The following BBS9 variants were observed in gnomAD, a reference collection of about 807,000 sequenced individuals.
BBS9 encodes the protein protein PTHB1.
A neutral mutation model predicts 117.7 loss-of-function variants in BBS9; 89 were observed. That is an observed-to-expected ratio of 0.76 (90% CI 0.64 to 0.90). BBS9 has a LOEUF of 0.90. BBS9 is among the 40% of genes least tolerant of loss of function. The pLI is 0.00. For missense variants in BBS9, 982 were observed against 1,042.2 expected (o/e 0.94, Z 0.80); for synonymous variants, 379 against 370.9 (o/e 1.02, Z -0.25).
chr7:33,418,907 A>G (rs1832437075), intron 19 of BBS9, among the ~76,000 whole-genome samples: 1 of 152,204 alleles, frequency 6.6e-6, no homozygotes, highest in Admixed American at 6.5e-5. Flanking sequence ...CATTTACTAC[A>G]GCATTTAGTA....
At chr7:33,321,671 C>T (rs1419970890) in intron 9 of BBS9, among the ~76,000 whole-genome samples, 1 of 151,936 alleles carries the variant, frequency 6.6e-6, no homozygotes, top group Non-Finnish European at 1.5e-5. Flanking sequence ...CAAACAAGGG[C>T]AATTTACCTT....
At chr7:33,442,941 G>A (rs1330187091) in intron 19 of BBS9, among the ~76,000 whole-genome samples, 2 of 152,128 alleles carry the variant, frequency 1.3e-5, no homozygotes, top group African/African-American at 4.8e-5. Flanking sequence ...GAAGTCTATT[G>A]GAAACATAAA....
intron 19 of BBS9, among the ~76,000 whole-genome samples, chr7:33,462,365 T>C (rs2128936120): frequency 6.6e-6 from 1 of 152,212 alleles, no homozygotes; most frequent in Middle Eastern, 3.4e-3. Context: ...AGAAATATAA[T>C]GTCAGTTTGT....
chr7:33,287,237 A>T (rs1271443833), intron 9 of BBS9, among the ~76,000 whole-genome samples: 5 of 152,214 alleles, frequency 3.3e-5, no homozygotes, highest in Non-Finnish European at 7.4e-5. Context: ...GCATCATTTC[A>T]TCATTAGACT....
intron 4 of BBS9, among the ~76,000 whole-genome samples, chr7:33,161,336 G>T (rs1242012134): frequency 2.0e-5 from 3 of 152,022 alleles, no homozygotes; most frequent in African/African-American, 7.2e-5. Context: ...TGTTCTCATT[G>T]TTCAGTTCCC....
chr7:33,289,416 A>G (rs1342237912), intron 9 of BBS9, among the ~76,000 whole-genome samples: 1 of 152,240 alleles, frequency 6.6e-6, no homozygotes, highest in Non-Finnish European at 1.5e-5. Context: ...TGAATAAAAA[A>G]TGAAAGATAA....
intron 21 of BBS9, among the ~76,000 whole-genome samples, chr7:33,586,946 A>G (rs1164604374): frequency 1.3e-5 from 2 of 152,094 alleles, no homozygotes; most frequent in African/African-American, 4.8e-5. Context: ...GTTGGGTACT[A>G]TGCTCACTCC....
intron 10 of BBS9, among the ~76,000 whole-genome samples, chr7:33,337,889 G>T (rs557058936): frequency 4.6e-5 from 7 of 151,922 alleles, no homozygotes; most frequent in African/African-American, 9.7e-5. Flanking sequence ...TTCAAATTTT[G>T]TCCTGAGATT....
intron 19 of BBS9, among the ~76,000 whole-genome samples, chr7:33,481,008 T>C (rs142024956): frequency 0.057 from 8,671 of 152,066 alleles, 426 homozygotes; most frequent in African/African-American, 0.13. Context: ...TCCCCAGCCA[T>C]GTGGAACTGT....
intron 21 of BBS9, among the ~76,000 whole-genome samples, chr7:33,595,474 A>C (rs2129185923): frequency 6.6e-6 from 1 of 152,330 alleles, no homozygotes; most frequent in East Asian, 1.9e-4. Flanking sequence ...GCAAATCAAA[A>C]CTACAATGAG....
Position 33,534,129 on chromosome 7 carries a change from T to C in BBS9, c.2474T>C (p.Leu825Pro). The C allele has an allele frequency of 6.2e-7, 1 of 1,614,202 alleles. No homozygotes were observed. Among genetic ancestry groups the C allele is most frequent in the Non-Finnish European group, 8.5e-7 (1 of 1,180,038 alleles). Residue 825 changes from leucine (L) to proline (P), a missense_variant, in exon 21 of 23, where the codon CTC becomes CCC. Transcript: ENST00000242067. ...LCDRLSKGGRLCLSTDAAAPQ... is the reference protein window; with the variant it reads ...LCDRLSKGGRPCLSTDAAAPQ... ...GATAGATTATCCAAAGGTGGCCGTC[T>C]CTGCCTAAGTACCGATGCAGCAGCC... is the stretch of plus-strand genomic sequence containing the variant.
chr7:33,478,490 A>G (rs1584965043), intron 19 of BBS9, among the ~76,000 whole-genome samples: 1 of 152,214 alleles, frequency 6.6e-6, no homozygotes, highest in Admixed American at 6.5e-5. Context: ...TTAGTGGCTG[A>G]TGTAAGGTGC....
Position 33,277,924 on chromosome 7 carries a change from C to T in BBS9, c.1016+3968C>T, listed in dbSNP as rs574631736. On this transcript the variant is annotated intron_variant, in intron 9 of 22. Transcript: ENST00000242067. ...TGGCTGGCAATTGTTTTTGTCTACA[C>T]CTTAGCAAAATTCAGGCTACTCTAT... Among the ~76,000 whole-genome samples the T allele has an allele frequency of 4.7e-4, 71 of 152,278 alleles. 1 individual carries two copies. The highest frequency in any genetic ancestry group is 1.5e-3 in the African/African-American group (64 of 41,572).
At chr7:33,427,213 T>C (rs1833786570) in intron 19 of BBS9, among the ~76,000 whole-genome samples, 2 of 152,212 alleles carry the variant, frequency 1.3e-5, no homozygotes, top group Non-Finnish European at 2.9e-5. Flanking sequence ...TAAAATCTTT[T>C]GCTTCTGACC....
chr7:33,421,006 A>C (rs972253076), intron 19 of BBS9, among the ~76,000 whole-genome samples: 2 of 152,188 alleles, frequency 1.3e-5, no homozygotes, highest in Non-Finnish European at 2.9e-5. Context: ...GCCAACACAA[A>C]TTGATTTGCT....
At chr7:33,512,690 A>G (rs1847137924) in intron 20 of BBS9, among the ~76,000 whole-genome samples, 1 of 152,194 alleles carries the variant, frequency 6.6e-6, no homozygotes, top group Non-Finnish European at 1.5e-5. Flanking sequence ...CCTTTCTGTG[A>G]CAGTACATTG....
At position 33,505,435 on chromosome 7, in the gene BBS9, C is replaced by T. The variant is rs1169644916; in HGVS notation, c.2116-28C>T. 7 of 1,611,946 alleles carry T rather than the reference C, an allele frequency of 4.3e-6. No individual in the cohort carries two copies. In the South Asian group the frequency reaches 7.7e-5, roughly 18 times the overall value. On this transcript the variant is annotated intron_variant, in intron 19 of 22. Coordinates refer to ENST00000242067, the MANE Select transcript of BBS9 (RefSeq NM_198428.3). ...GAGGGCTCAATAATTGTGAAATTAT[C>T]CCTAACCGAAGTTTGTAATATCTGC...
chr7:33,364,349 T>A (rs2128704429), intron 16 of BBS9, among the ~76,000 whole-genome samples: 1 of 152,300 alleles, frequency 6.6e-6, no homozygotes, highest in East Asian at 1.9e-4. Flanking sequence ...TTTCTACAGT[T>A]ATGTGAATAA....
chr7:33,151,462 G>A (rs564293377), intron 2 of BBS9, among the ~76,000 whole-genome samples: 1 of 152,218 alleles, frequency 6.6e-6, no homozygotes, highest in Non-Finnish European at 1.5e-5. Flanking sequence ...AGCCTTTAGT[G>A]GGGACAGGAA....
Sources: gnomAD v4.1 joint callset for allele counts (sites outside exome capture counted in the v4.1 genomes callset) on GRCh38, gnomAD v4.1.1 for gene constraint, MANE v1.5 for transcripts, NCBI Gene and HGNC (gene_info 2026-07-23, HGNC 2026-07-21) for gene names.